Variants in FNBP4 observed in about 807,000 individuals in gnomAD.
The protein encoded by FNBP4 is formin binding protein 4.
A neutral mutation model predicts 119.3 loss-of-function variants in FNBP4; 34 were observed. The ratio of observed to expected loss-of-function variants is 0.28; its 90% CI spans 0.22 to 0.38. The LOEUF (loss-of-function observed/expected upper bound fraction) is 0.38. Ranked by LOEUF, FNBP4 falls within the 10% of genes least tolerant of loss-of-function variation. FNBP4 has a pLI of 1.00. For synonymous variants in FNBP4, 462 were observed against 430.6 expected (o/e 1.07, Z -0.90); for missense variants, 1,112 against 1,228.9 (o/e 0.90, Z 1.42).
In FNBP4 at chr11:47,724,075, G is replaced by A. The variant is rs1052295090; in HGVS notation, c.2417C>T (p.Thr806Ile). Residue 806 changes from threonine to isoleucine, a missense_variant, in exon 14 of 17, where the codon ACC becomes ATC. Physicochemically the swap from Thr to Ile is moderately conservative, Grantham distance 89. Transcript: ENST00000263773. The stretch of plus-strand genomic sequence containing the variant: ...ATAGAGAACTGGAGAACTGCCAATG[G>A]TAGCTGACCTCTGAACCACTGCAGT... The part of the protein sequence containing the change: ...ISTAVVQRSA[T>I]IGSSPVLYSQ... 6.2e-7 allele frequency: 1 copy of A among 1,614,178 alleles called. No homozygotes were observed. The highest frequency in any genetic ancestry group is 8.5e-7 in the Non-Finnish European group (1 of 1,180,028).
rs2097568543 is a variant in FNBP4, at chr11:47,732,445, C to T, written c.1820+92G>A. ...GCTAACTGCAGCTGCTCTCAGTCTC[C>T]AGACAGGCTGTCATGTCGTCAGATG... On this transcript the variant is annotated intron_variant, in intron 11 of 16. Coordinates refer to ENST00000263773, the MANE Select transcript of FNBP4 (RefSeq NM_015308.5). This position sits in a 1 kb window ranked among gnomAD's most constrained non-coding sequence, Gnocchi z 4.2. The T allele has an allele frequency of 6.3e-7, 1 of 1,581,050 alleles. No homozygotes were observed. The highest frequency in any genetic ancestry group is 1.3e-5 in the African/African-American group (1 of 74,228).
At chr11:47,765,401 A>G (rs78592079) in intron 1 of FNBP4, 39 bp from the exon 2 acceptor site, 34,268 of 1,367,924 alleles carry the variant, frequency 0.025, 551 homozygotes, top group Middle Eastern at 0.038. Context: ...AAAGAAAAGA[A>G]AAGAAAAGAA....
At chr11:47,758,217 TG>T (rs2097624222) in intron 2 of FNBP4, among the ~76,000 whole-genome samples, 4 of 152,286 alleles carry the variant, frequency 2.6e-5, no homozygotes, top group Admixed American at 2.6e-4. Context: ...CCTGTGTAGC[TG>T]GGACTAGAGA....
chr11:47,723,942 A>C (rs1225319576), intron 14 of FNBP4, 86 bp downstream of exon 14: 1 of 1,255,810 alleles, frequency 8.0e-7, no homozygotes, highest in Non-Finnish European at 1.1e-6. Context: ...AAGAGCCTTT[A>C]ACATTTCTTT....
At chr11:47,717,956 T>A (rs1044330964) in intron 16 of FNBP4, among the ~76,000 whole-genome samples, 2 of 151,658 alleles carry the variant, frequency 1.3e-5, no homozygotes, top group African/African-American at 4.8e-5. Context: ...GGTTTCTCCA[T>A]GTTGGTCAGG....
chr11:47,731,541 T>C lies in FNBP4; in HGVS notation c.1841A>G (p.Tyr614Cys), dbSNP rs1255859030. The C allele has an allele frequency of 6.2e-7, 1 of 1,611,212 alleles. No individual in the cohort carries two copies. Among genetic ancestry groups the C allele is most frequent in the African/African-American group, 1.3e-5 (1 of 74,608 alleles). The stretch of plus-strand genomic sequence containing the variant: ...AGACTCGCCCGACTGTTCGTTTACA[T>C]AGAAATACCGTCTATGATCCCTAAA... ...HWDRDHRRYF[Y>C]VNEQSGESQW... is the part of the protein sequence containing the mutation. Residue 614 changes from tyrosine (Y) to cysteine (C), a missense_variant, in exon 12 of 17, where the codon TAT (tyrosine) becomes TGT (cysteine). Tyr to Cys is a radical substitution (Grantham distance 194, BLOSUM62 -2). Transcript: ENST00000263773.
chr11:47,757,286 C>T (rs1245100940), intron 2 of FNBP4, among the ~76,000 whole-genome samples: 1 of 152,034 alleles, frequency 6.6e-6, no homozygotes, highest in East Asian at 1.9e-4. Flanking sequence ...AGTGGCTCCG[C>T]TCACTACAAG....
chr11:47,766,936 G>A (rs2135311829), intron 1 of FNBP4, 133 bp downstream of exon 1: 2 of 1,361,852 alleles, frequency 1.5e-6, no homozygotes, highest in South Asian at 1.7e-5. Flanking sequence ...GGGCCGCCCC[G>A]CCTGCAGGCC....
At chr11:47,720,803 A>G (rs994401110) in intron 15 of FNBP4, among the ~76,000 whole-genome samples, 3 of 150,364 alleles carry the variant, frequency 2.0e-5, no homozygotes, top group African/African-American at 2.4e-5. Flanking sequence ...TAAAGCTGGA[A>G]AGAGCAACAA....
At chr11:47,751,391 T>G in intron 4 of FNBP4, 101 bp from the exon 5 acceptor site, 1 of 1,375,178 alleles carries the variant, frequency 7.3e-7, no homozygotes, top group Non-Finnish European at 1.0e-6. Context: ...AAAACAGCAC[T>G]GTTAACTTTT....
At position 47,723,280 on chromosome 11, in the gene FNBP4, C is replaced by T. The variant is rs760457742; in HGVS notation, c.2501G>A (p.Gly834Glu). 1.2e-6 allele frequency: 2 copies of T among 1,612,282 alleles called. No individual in the cohort carries two copies. The highest frequency in any genetic ancestry group is 1.7e-6 in the Non-Finnish European group (2 of 1,178,584). Reference protein sequence around the residue: ...QAAGIGNQATGIGHQTIPVSL... With the variant: ...QAAGIGNQATEIGHQTIPVSL... ...AACTGGTATTGTCTGATGTCCAATT[C>T]CTGTTGCCTGGTTTCCAATCCCTGC... The change falls in exon 15 of 17, where the codon GGA becomes GAA. Residue 834 changes from glycine to glutamate, a missense_variant. Physicochemically the swap from Gly to Glu is moderately conservative, Grantham distance 98. Coordinates refer to ENST00000263773, the MANE Select transcript of FNBP4 (RefSeq NM_015308.5).
At chr11:47,721,691 T>C (rs143500049) in intron 15 of FNBP4, among the ~76,000 whole-genome samples, 1 of 152,224 alleles carries the variant, frequency 6.6e-6, no homozygotes, top group African/African-American at 2.4e-5. Context: ...CTTCATTGTC[T>C]AAATCGTCTA....
At chr11:47,755,618 T>G (rs1273048122) in intron 2 of FNBP4, among the ~76,000 whole-genome samples, 1 of 134,420 alleles carries the variant, frequency 7.4e-6, no homozygotes, top group Non-Finnish European at 1.6e-5. Flanking sequence ...ACCTTGTCTA[T>G]CCCATAAAAA....
At chr11:47,760,307 G>T (rs1216561104) in intron 2 of FNBP4, among the ~76,000 whole-genome samples, 1 of 149,956 alleles carries the variant, frequency 6.7e-6, no homozygotes, top group Non-Finnish European at 1.5e-5. Context: ...TGTCACCCAG[G>T]GTGAAATGTA....
chr11:47,720,397 T>C (rs1468085209), intron 15 of FNBP4, among the ~76,000 whole-genome samples: 1 of 151,586 alleles, frequency 6.6e-6, no homozygotes, highest in Non-Finnish European at 1.5e-5. Flanking sequence ...TGAAACCCTG[T>C]CTCTACTAAA....
In FNBP4 at chr11:47,751,123, A is replaced by G. The variant is rs1430328843; in HGVS notation, c.785+20T>C. ...CTTCAATTTCCTTCTAGGCAATTTC[A>G]CTTTTAAATTTATTCTTACCTGGGC... On this transcript the variant is annotated intron_variant, in intron 5 of 16. Transcript: ENST00000263773. The G allele has an allele frequency of 6.2e-7, 1 of 1,613,578 alleles. No homozygotes were observed.
intron 12 of FNBP4, among the ~76,000 whole-genome samples, chr11:47,728,764 AG>A (rs1279847863): frequency 6.6e-6 from 1 of 150,680 alleles, no homozygotes; most frequent in Non-Finnish European, 1.5e-5. Flanking sequence ...CCTGAGCTCA[AG>A]TGATCCTCTT....
At chr11:47,721,327 CACACCT>C (rs1180783888) in intron 15 of FNBP4, among the ~76,000 whole-genome samples, 65 of 151,718 alleles carry the variant, frequency 4.3e-4, no homozygotes, top group African/African-American at 1.5e-3. Context: ...CATGGTGGGT[CACACCT>C]GTAATCTCAG....
At chr11:47,734,378 T>C (rs1313951045) in intron 9 of FNBP4, among the ~76,000 whole-genome samples, 2 of 152,110 alleles carry the variant, frequency 1.3e-5, no homozygotes, top group African/African-American at 4.8e-5. Context: ...ATTTTAAAAA[T>C]TATTCAAAAC....
Sources: gnomAD v4.1 joint callset for allele counts (sites outside exome capture counted in the v4.1 genomes callset) on GRCh38, gnomAD v4.1.1 for gene constraint, Gnocchi (gnomAD v3.1) non-coding constraint, MANE v1.5 for transcripts, NCBI Gene and HGNC (gene_info 2026-07-23, HGNC 2026-07-21) for gene names.